The following ARHGAP24 variants were observed in gnomAD, a reference collection of about 807,000 sequenced individuals.
ARHGAP24 encodes the protein rho GTPase-activating protein 24.
ARHGAP24 carries 50 observed loss-of-function variants against 76.4 expected under a neutral mutation model. That is an observed-to-expected ratio of 0.65 (90% CI 0.52 to 0.83). The LOEUF is 0.83. Among genes scored for constraint, ARHGAP24 ranks in the 40% least tolerant of loss-of-function variants. The probability of loss-of-function intolerance (pLI) is 0.00; values close to 1 mark genes in which losing one functional copy is unlikely to be tolerated. For missense variants in ARHGAP24, 930 were observed against 914.2 expected (o/e 1.02, Z -0.22); for synonymous variants, 345 against 323.3 (o/e 1.07, Z -0.72).
At chr4:85,976,781 T>A (rs1404870363) in intron 7 of ARHGAP24, among the ~76,000 whole-genome samples, 1 of 19,930 alleles carries the variant, frequency 5.0e-5, no homozygotes. Flanking sequence ...TTATTTCTCT[T>A]TTTTTTTTTT....
At chr4:85,688,058 C>T (rs1318205220) in intron 2 of ARHGAP24, among the ~76,000 whole-genome samples, 1 of 152,118 alleles carries the variant, frequency 6.6e-6, no homozygotes, top group Non-Finnish European at 1.5e-5. Context: ...GATAATCCGC[C>T]CGCCTTGGCC....
intron 2 of ARHGAP24, among the ~76,000 whole-genome samples, chr4:85,720,166 TGAC>T (rs1328223982): frequency 6.6e-6 from 1 of 152,094 alleles, no homozygotes; most frequent in East Asian, 1.9e-4. Flanking sequence ...CTAATGTAAA[TGAC>T]AAGTTAATGG....
chr4:85,998,731 A>G (rs1326253269), intron 9 of ARHGAP24, among the ~76,000 whole-genome samples: 12 of 152,136 alleles, frequency 7.9e-5, no homozygotes, highest in Non-Finnish European at 1.5e-4. Context: ...CAATTCTGAT[A>G]CTTCCCCAGG....
At chr4:85,843,000 A>G (rs1313266816) in intron 3 of ARHGAP24, among the ~76,000 whole-genome samples, 3 of 152,164 alleles carry the variant, frequency 2.0e-5, no homozygotes, top group Admixed American at 2.0e-4. Context: ...AGGCCATACT[A>G]TTTACTCCTA....
In ARHGAP24 at chr4:85,796,543, G is replaced by A. The variant is rs76146676; in HGVS notation, c.268+74571G>A. Among the ~76,000 whole-genome samples the A allele has an allele frequency of 8.5e-3, 1,298 of 152,198 alleles. 16 individuals are homozygous for A. Among genetic ancestry groups the A allele is most frequent in the African/African-American group, 0.03 (1,236 of 41,516 alleles). On this transcript the variant is annotated intron_variant, in intron 3 of 9. Transcript: ENST00000395184. ...GGGAAGATCAGCCTTCAGGCATGGC[G>A]TATCAATCTGGGTCCAATCAGGAGA... is the stretch of plus-strand genomic sequence containing the variant.
chr4:85,620,744 A>G (rs529645810), intron 2 of ARHGAP24, among the ~76,000 whole-genome samples: 1 of 151,658 alleles, frequency 6.6e-6, no homozygotes, highest in African/African-American at 2.4e-5. Flanking sequence ...ATCTTAGGTT[A>G]CTTATTTGAG....
chr4:85,808,670 TAGAATTAA>T (rs1199686688), intron 3 of ARHGAP24, among the ~76,000 whole-genome samples: 1 of 152,172 alleles, frequency 6.6e-6, no homozygotes, highest in Non-Finnish European at 1.5e-5. Flanking sequence ...ATCCAGAGTC[TAGAATTAA>T]AGAAAGTTGG....
intron 2 of ARHGAP24, among the ~76,000 whole-genome samples, chr4:85,680,395 A>G (rs1360995894): frequency 6.6e-6 from 1 of 152,206 alleles, no homozygotes; most frequent in African/African-American, 2.4e-5. Flanking sequence ...AAAATTGCAG[A>G]TGTGAAAACG....
chr4:85,744,405 C>G (rs1281210504), intron 3 of ARHGAP24, among the ~76,000 whole-genome samples: 5 of 152,124 alleles, frequency 3.3e-5, no homozygotes, highest in Non-Finnish European at 7.4e-5. Flanking sequence ...CATACTCACT[C>G]TATATGTGTG....
intron 3 of ARHGAP24, among the ~76,000 whole-genome samples, chr4:85,868,344 A>G (rs1732327550): frequency 6.6e-6 from 1 of 152,106 alleles, no homozygotes; most frequent in Non-Finnish European, 1.5e-5. Flanking sequence ...TAGATGGCAC[A>G]TGTTTTCTAT....
intron 9 of ARHGAP24, among the ~76,000 whole-genome samples, chr4:85,997,356 T>G (rs879608908): frequency 2.9e-4 from 38 of 131,874 alleles, no homozygotes; most frequent in Middle Eastern, 3.5e-3. Flanking sequence ...AGATAGATAA[T>G]AGATAGATGA....
At chr4:85,841,798 G>A (rs1372344374) in intron 3 of ARHGAP24, among the ~76,000 whole-genome samples, 1 of 152,174 alleles carries the variant, frequency 6.6e-6, no homozygotes. Flanking sequence ...GCATCAGCAG[G>A]ATGCTCCTTG....
intron 8 of ARHGAP24, chr4:85,990,859 C>T (rs1442270161): frequency 6.6e-6 from 1 of 151,874 alleles, no homozygotes; most frequent in Non-Finnish European, 1.5e-5. Flanking sequence ...TGACGTTGTG[C>T]TAGTGAAGAC....
At chr4:85,727,484 A>G (rs1049910474) in intron 3 of ARHGAP24, among the ~76,000 whole-genome samples, 13 of 152,292 alleles carry the variant, frequency 8.5e-5, no homozygotes, top group African/African-American at 2.4e-4. Flanking sequence ...CCATCATGAA[A>G]AAGTGGGGAG....
intron 1 of ARHGAP24, among the ~76,000 whole-genome samples, chr4:85,527,880 T>A (rs1725075689): frequency 6.6e-6 from 1 of 152,116 alleles, no homozygotes; most frequent in African/African-American, 2.4e-5. Flanking sequence ...TCAGCATTGA[T>A]AACAAACAAT....
intron 1 of ARHGAP24, among the ~76,000 whole-genome samples, chr4:85,559,472 T>C (rs1266538365): frequency 6.6e-6 from 1 of 152,228 alleles, no homozygotes; most frequent in Non-Finnish European, 1.5e-5. Flanking sequence ...GTTATAGTCA[T>C]GTTATACAAT....
At chr4:85,769,876 C>T (rs1727069288) in intron 3 of ARHGAP24, among the ~76,000 whole-genome samples, 2 of 151,934 alleles carry the variant, frequency 1.3e-5, no homozygotes, top group South Asian at 2.1e-4. Flanking sequence ...CATGAGCCAC[C>T]GCGCCTGGCC....
In ARHGAP24 at chr4:85,789,805, T is replaced by C. The variant is rs532153726; in HGVS notation, c.268+67833T>C. On this transcript the variant is annotated intron_variant, in intron 3 of 9. Transcript: ENST00000395184. Reference sequence around the variant, plus strand: ...TCTCCTCGAGAGACAATGCTAAGGATATACTAGAATCTTCTTGAGAAGTCC... The same window carrying C: ...TCTCCTCGAGAGACAATGCTAAGGACATACTAGAATCTTCTTGAGAAGTCC... Among the ~76,000 whole-genome samples the C allele has an allele frequency of 2.6e-5, 4 of 152,336 alleles. No homozygotes were observed. In the South Asian group the frequency reaches 8.3e-4, roughly 32 times the overall value.
intron 3 of ARHGAP24, among the ~76,000 whole-genome samples, chr4:85,901,265 G>A (rs1239267902): frequency 3.9e-5 from 6 of 152,012 alleles, no homozygotes; most frequent in Non-Finnish European, 4.4e-5. Context: ...TCAGAGACCT[G>A]CCTTCATTTT....
Sources: allele counts gnomAD v4.1 joint callset (sites outside exome capture counted in the v4.1 genomes callset), GRCh38; gene constraint gnomAD v4.1.1; transcripts MANE v1.5; gene names NCBI Gene and HGNC (gene_info 2026-07-23, HGNC 2026-07-21).